ECPAS: variants seen among roughly 807,000 people sequenced by gnomAD.
ECPAS encodes the protein proteasome adapter and scaffold protein ECM29.
Under a neutral mutation model 255.1 loss-of-function variants are expected in ECPAS, and 70 were observed. The ratio of observed to expected loss-of-function variants is 0.27; its 90% CI spans 0.23 to 0.33. The LOEUF is 0.33. Among genes scored for constraint, ECPAS ranks in the 10% least tolerant of loss-of-function variants. ECPAS has a pLI of 1.00. For missense variants in ECPAS, 1,817 were observed against 2,206.4 expected (o/e 0.82, Z 3.54); for synonymous variants, 784 against 775.0 (o/e 1.01, Z -0.19).
intron 46 of ECPAS, 114 bp from the exon 47 acceptor site, chr9:111,366,741 A>G: frequency 2.9e-6 from 2 of 692,084 alleles, no homozygotes; most frequent in South Asian, 3.3e-5. Context: ...AAAGAGAAAG[A>G]GAGAAGGTGG....
intron 37 of ECPAS, among the ~76,000 whole-genome samples, chr9:111,375,964 GTAACT>G (rs1214452236): frequency 4.6e-5 from 7 of 152,144 alleles, no homozygotes; most frequent in Non-Finnish European, 1.0e-4. Context: ...GCACAACAGA[GTAACT>G]TTACCAAGAC....
chr9:111,372,689 T>C (rs906897207), intron 41 of ECPAS, 69 bp from the exon 42 acceptor site: 6 of 1,199,100 alleles, frequency 5.0e-6, no homozygotes, highest in Admixed American at 4.8e-5. Flanking sequence ...AAACAGGCTA[T>C]TGTTCAACTC....
Position 111,436,985 on chromosome 9 carries a change from T to C in ECPAS, c.663A>G (p.Lys221=). The change falls in exon 7 of 50, where the codon AAA becomes AAG. Residue 221 remains lysine (K), a synonymous_variant. Transcript: ENST00000684092. ...PPPGMSFYAA[K]RVIGDNPWTP... The stretch of plus-strand genomic sequence containing the variant: ...TCCATGGGTTATCACCAATAACTCG[T>C]TTGGCTGCATAAAAGCTCATTCCCG... 1 of 1,613,204 alleles carries C rather than the reference T, an allele frequency of 6.2e-7. No homozygotes were observed. The highest frequency in any genetic ancestry group is 1.1e-5 in the South Asian group (1 of 90,910).
chr9:111,480,285 A>AT (rs2098302613), intron 1 of ECPAS, among the ~76,000 whole-genome samples: 3 of 125,082 alleles, frequency 2.4e-5, no homozygotes, highest in African/African-American at 9.1e-5. Flanking sequence ...TCTTAAAAGC[A>AT]CCTTTTCTTT....
At chr9:111,375,762 T>C (rs772990458) in intron 37 of ECPAS, among the ~76,000 whole-genome samples, 5 of 152,224 alleles carry the variant, frequency 3.3e-5, no homozygotes, top group Non-Finnish European at 5.9e-5. Flanking sequence ...TTAGACCAAA[T>C]TTTGGTAATA....
At chr9:111,408,545 TAACA>T (rs2098188821) in intron 24 of ECPAS, 22 bp downstream of exon 24, 1 of 1,335,242 alleles carries the variant, frequency 7.5e-7, no homozygotes, top group South Asian at 1.5e-5. Flanking sequence ...TCTGAATAAC[TAACA>T]ATCAGGTAGC....
chr9:111,383,968 T>TATTATC (rs144728423), intron 34 of ECPAS, among the ~76,000 whole-genome samples: 1 of 150,862 alleles, frequency 6.6e-6, no homozygotes, highest in Admixed American at 6.6e-5. Flanking sequence ...TTTGAAGTGT[T>TATTATC]ATCATCATCA....
At chr9:111,467,100 G>C (rs546468676) in intron 2 of ECPAS, among the ~76,000 whole-genome samples, 1 of 152,092 alleles carries the variant, frequency 6.6e-6, no homozygotes, top group African/African-American at 2.4e-5. Flanking sequence ...AATTAGGGAG[G>C]AAAAGCTATT....
chr9:111,369,546 G>A (rs1298980870), intron 45 of ECPAS, among the ~76,000 whole-genome samples: 1 of 152,164 alleles, frequency 6.6e-6, no homozygotes, highest in African/African-American at 2.4e-5. Flanking sequence ...AACTGGTCCA[G>A]CTTGCTAGTG....
At chr9:111,477,711 G>A (rs2098298195) in intron 1 of ECPAS, among the ~76,000 whole-genome samples, 1 of 152,072 alleles carries the variant, frequency 6.6e-6, no homozygotes, top group African/African-American at 2.4e-5. Context: ...CAAACTCACA[G>A]GGTTGTTCTG....
intron 17 of ECPAS, 129 bp downstream of exon 17, chr9:111,417,754 A>AAAAAG: frequency 2.0e-6 from 2 of 1,004,686 alleles, no homozygotes; most frequent in Non-Finnish European, 2.8e-6. Flanking sequence ...CTCAAAAAAA[A>AAAAAG]AAAAGAAAAG....
intron 2 of ECPAS, among the ~76,000 whole-genome samples, chr9:111,469,939 A>G (rs142375680): frequency 1.3e-5 from 2 of 152,298 alleles, no homozygotes; most frequent in African/African-American, 4.8e-5. Context: ...ACTTAAAAGG[A>G]GAATGTCAGG....
rs779680087 is a variant in ECPAS at position 111,433,387 on chromosome 9, A to C, written c.709-15T>G. The C allele has an allele frequency of 3.1e-6, 5 of 1,613,676 alleles. No homozygotes were observed. In the South Asian group the frequency reaches 5.5e-5, roughly 18 times the overall value. ...CCCAATTTGCACTGTAGATAAATGA[A>C]GGGAAGGAGAAAGAACAGTCAGGGG... On this transcript the variant is annotated splice_polypyrimidine_tract_variant and intron_variant, in intron 7 of 49. Transcript: ENST00000684092.
At chr9:111,438,748 TAAG>T (rs2098241676) in intron 6 of ECPAS, among the ~76,000 whole-genome samples, 1 of 152,036 alleles carries the variant, frequency 6.6e-6, no homozygotes, top group Non-Finnish European at 1.5e-5. Flanking sequence ...TGCTGAGAAA[TAAG>T]AAATGATATA....
chr9:111,401,230 C>T (rs200414417), intron 24 of ECPAS, among the ~76,000 whole-genome samples: 1 of 152,300 alleles, frequency 6.6e-6, no homozygotes, highest in East Asian at 1.9e-4. Flanking sequence ...AGGTTCTTTT[C>T]TATTTTCCCT....
chr9:111,364,364 G>C (rs1431482473), intron 48 of ECPAS, among the ~76,000 whole-genome samples: 1 of 152,160 alleles, frequency 6.6e-6, no homozygotes, highest in Non-Finnish European at 1.5e-5. Context: ...GCTTCCACTG[G>C]CCAAATCTGG....
chr9:111,483,964 CTCGCGGCTCGTCCTGCCCACCTG>C, intron 1 of ECPAS, 129 bp downstream of exon 1: 4 of 986,308 alleles, frequency 4.1e-6, no homozygotes, highest in Non-Finnish European at 4.8e-6. Flanking sequence ...CCCTCGCTCG[CTCGCGGCTCGTCCTGCCCACCTG>C]TCGCCGCCCG....
chr9:111,411,299 C>T (rs1188341171), intron 21 of ECPAS, among the ~76,000 whole-genome samples, 157 bp from the exon 22 acceptor site: 1 of 152,122 alleles, frequency 6.6e-6, no homozygotes, highest in African/African-American at 2.4e-5. Context: ...GCTAATGCAT[C>T]GAGCTTAGGG....
intron 5 of ECPAS, among the ~76,000 whole-genome samples, chr9:111,441,171 A>T (rs1455095665): frequency 2.7e-5 from 4 of 150,770 alleles, no homozygotes; most frequent in Admixed American, 6.6e-5. Context: ...AAATAAAAAT[A>T]AAAAAATAAA....
Sources: gnomAD v4.1 joint callset for allele counts (sites outside exome capture counted in the v4.1 genomes callset) on GRCh38, gnomAD v4.1.1 for gene constraint, MANE v1.5 for transcripts, NCBI Gene and HGNC (gene_info 2026-07-23, HGNC 2026-07-21) for gene names.